The following ORC5 variants were observed in gnomAD, a reference collection of about 807,000 sequenced individuals.
ORC5 encodes origin recognition complex subunit 5.
Under a neutral mutation model 58.8 loss-of-function variants are expected in ORC5, and 39 were observed. The ratio of observed to expected loss-of-function variants is 0.66; its 90% CI spans 0.51 to 0.87. ORC5 has a LOEUF of 0.87. Ranked by LOEUF, ORC5 falls within the 40% of genes least tolerant of loss-of-function variation. The pLI, the probability that ORC5 is intolerant of heterozygous loss-of-function variation, is 0.00. For synonymous variants in ORC5, 218 were observed against 177.6 expected, an observed-to-expected ratio of 1.23 and a Z score of -1.81; for missense variants, 493 against 506.3, an observed-to-expected ratio of 0.97 and a Z score of 0.25.
rs781127782 is a variant in ORC5 at position 104,131,471 on chromosome 7, C to T, written c.1263-4578G>A. Among the ~76,000 whole-genome samples, 129 of 152,312 alleles carry T rather than the reference C, an allele frequency of 8.5e-4. 2 individuals are homozygous for T. Among genetic ancestry groups the T allele is most frequent in the Non-Finnish European group, 2.5e-4 (17 of 68,022 alleles). ...CATTAACTCTCCTTCTCTATCTGTT[C>T]TTTCCTATCAGCATTTAAATATGCT... is the stretch of plus-strand genomic sequence containing the variant. On this transcript the variant is annotated intron_variant, in intron 13 of 13. Coordinates refer to ENST00000297431, the MANE Select transcript of ORC5 (RefSeq NM_002553.4).
chr7:104,137,330 G>GGCTGGTCCTGAACTCCTC (rs1798606622), intron 12 of ORC5, among the ~76,000 whole-genome samples: 2 of 151,884 alleles, frequency 1.3e-5, no homozygotes, highest in African/African-American at 4.8e-5. Context: ...GTGTTGTCCA[G>GGCTGGTCCTGAACTCCTC]GCTGGTCCTG....
Position 104,126,822 on chromosome 7 carries a change from T to C in ORC5, c.*26A>G. Reference sequence around the variant, plus strand: ...CAGCTTGGCTTAGTCATTGTCACAGTGTCCATATGGCTTTGAAGCTTGTTT... The same window carrying C: ...CAGCTTGGCTTAGTCATTGTCACAGCGTCCATATGGCTTTGAAGCTTGTTT... On this transcript the variant is annotated 3_prime_UTR_variant, in exon 14 of 14. Transcript: ENST00000297431. The C allele has an allele frequency of 6.4e-7, 1 of 1,563,706 alleles. No homozygotes were observed. Among genetic ancestry groups the C allele is most frequent in the South Asian group, 1.1e-5 (1 of 88,306 alleles).
intron 5 of ORC5, among the ~76,000 whole-genome samples, chr7:104,190,020 C>T (rs747183084): frequency 1.3e-5 from 2 of 152,094 alleles, no homozygotes; most frequent in Non-Finnish European, 2.9e-5. Context: ...AATTTTAGGA[C>T]ACCCATTTGA....
intron 6 of ORC5, among the ~76,000 whole-genome samples, chr7:104,184,812 T>A (rs1799509915): frequency 6.6e-6 from 1 of 151,854 alleles, no homozygotes; most frequent in South Asian, 2.1e-4. Flanking sequence ...GAAAGAGACT[T>A]GAGGGTCTGA....
intron 12 of ORC5, among the ~76,000 whole-genome samples, chr7:104,146,039 T>C (rs545223525): frequency 2.0e-5 from 3 of 152,246 alleles, no homozygotes; most frequent in East Asian, 1.9e-4. Flanking sequence ...CAAAAGGAAG[T>C]TCTTCAAACA....
chr7:104,192,854 T>A (rs1799705934), intron 5 of ORC5, among the ~76,000 whole-genome samples: 1 of 148,838 alleles, frequency 6.7e-6, no homozygotes, highest in Admixed American at 6.7e-5. Flanking sequence ...AGCTGCCCAC[T>A]AGACACTTGT....
chr7:104,153,775 T>C (rs1470417744), intron 12 of ORC5, among the ~76,000 whole-genome samples: 1 of 152,160 alleles, frequency 6.6e-6, no homozygotes, highest in Non-Finnish European at 1.5e-5. Flanking sequence ...AATCAATTTA[T>C]ATAAATATCT....
At chr7:104,200,686 T>C (rs1428559914) in intron 3 of ORC5, 72 bp downstream of exon 3, 1 of 958,526 alleles carries the variant, frequency 1.0e-6, no homozygotes, top group Non-Finnish European at 1.6e-6. Flanking sequence ...TCAAAACAAA[T>C]ATATGAAAAT....
chr7:104,175,946 T>C (rs924963294), intron 8 of ORC5, among the ~76,000 whole-genome samples: 3 of 152,164 alleles, frequency 2.0e-5, no homozygotes, highest in Non-Finnish European at 2.9e-5. Context: ...CTAAACTTAT[T>C]TGAAACTGAA....
chr7:104,197,760 T>G lies in ORC5; in HGVS notation c.406A>C (p.Asn136His), dbSNP rs750023592. 3.1e-6 allele frequency: 5 copies of G among 1,599,872 alleles called. No homozygotes were observed. The highest frequency in any genetic ancestry group is 1.7e-5 in the Admixed American group (1 of 57,792). ...AATCTAAGAAATCCAGGCAAAAGAT[T>G]TGCTTCCATATCTCTTAGATACTCT... ...KAEYLRDMEA[N>H]LLPGFLRLQE... is the part of the protein sequence containing the mutation. The change falls in exon 4 of 14, where the codon AAT (asparagine) becomes CAT (histidine). Residue 136 changes from asparagine (N) to histidine (H), a missense_variant. Coordinates refer to ENST00000297431, the MANE Select transcript of ORC5 (RefSeq NM_002553.4).
intron 6 of ORC5, 172 bp from the exon 7 acceptor site, chr7:104,184,343 G>T: frequency 1.7e-6 from 1 of 581,652 alleles, no homozygotes; most frequent in Non-Finnish European, 3.0e-6. Context: ...AGCTACTCAG[G>T]AGGCTGAGGC....
At chr7:104,132,228 T>G (rs374007537) in intron 13 of ORC5, among the ~76,000 whole-genome samples, 172 of 152,282 alleles carry the variant, frequency 1.1e-3, no homozygotes, top group African/African-American at 4.0e-3. Context: ...CCATTACTCC[T>G]GTCCCTTACA....
At chr7:104,181,734 G>A (rs565212829) in intron 8 of ORC5, among the ~76,000 whole-genome samples, 3 of 151,248 alleles carry the variant, frequency 2.0e-5, no homozygotes, top group South Asian at 4.2e-4. Context: ...GGAGCTTGTA[G>A]TGAGCCGAGA....
At chr7:104,193,992 A>G (rs148807039) in intron 5 of ORC5, among the ~76,000 whole-genome samples, 2 of 151,812 alleles carry the variant, frequency 1.3e-5, no homozygotes, top group African/African-American at 4.8e-5. Context: ...TGAAATGTGT[A>G]ATATCAACAT....
chr7:104,136,678 T>C lies in ORC5; in HGVS notation c.1262+103A>G. 1.4e-6 allele frequency: 1 copy of C among 709,638 alleles called. No individual in the cohort carries two copies. Among genetic ancestry groups the C allele is most frequent in the East Asian group, 2.7e-5 (1 of 37,086 alleles). 44.0% of individuals were successfully genotyped at this position (709,638 alleles called of 1,614,324 possible). The stretch of plus-strand genomic sequence containing the variant: ...AGCTTATTCATTCTTGGCACTTAAA[T>C]AGATGATTTTTTCATGTTTAAATGT... On this transcript the variant is annotated intron_variant, in intron 13 of 13. Coordinates refer to ENST00000297431, the MANE Select transcript of ORC5 (RefSeq NM_002553.4). This position sits in a 1 kb window ranked among gnomAD's most constrained non-coding sequence, Gnocchi z 4.2.
Position 104,145,695 on chromosome 7 carries a change from C to T in ORC5, c.1150-8802G>A, listed in dbSNP as rs1011514905. The stretch of plus-strand genomic sequence containing the variant: ...TAAATCCTGGAAATAATATAAGAGG[C>T]GACCAAAAGAGGACTCTGAAAGGTA... On this transcript the variant is annotated intron_variant, in intron 12 of 13. Coordinates refer to ENST00000297431, the MANE Select transcript of ORC5 (RefSeq NM_002553.4). Among the ~76,000 whole-genome samples the T allele has an allele frequency of 6.6e-5, 10 of 152,118 alleles. No homozygotes were observed. The East Asian group carries it at 1.5e-3, about 24-fold the overall frequency.
chr7:104,128,675 TCC>T (rs546845907), intron 13 of ORC5, among the ~76,000 whole-genome samples: 2 of 24,964 alleles, frequency 8.0e-5, no homozygotes, highest in Non-Finnish European at 1.5e-4. Context: ...CCCTCCCCCC[TCC>T]CCCCCACCCC....
chr7:104,167,550 C>T (rs189246949), intron 9 of ORC5, among the ~76,000 whole-genome samples: 1 of 152,272 alleles, frequency 6.6e-6, no homozygotes, highest in Admixed American at 6.5e-5. Context: ...TGTATCCCTA[C>T]ACTGCCTTGC....
intron 11 of ORC5, among the ~76,000 whole-genome samples, chr7:104,164,425 C>A (rs115259052): frequency 2.0e-5 from 3 of 152,000 alleles, no homozygotes; most frequent in African/African-American, 7.3e-5. Flanking sequence ...ACCTCAAAAA[C>A]AGATAAATAA....
Sources: gnomAD v4.1 joint callset for allele counts (sites outside exome capture counted in the v4.1 genomes callset) on GRCh38, gnomAD v4.1.1 for gene constraint, Gnocchi (gnomAD v3.1) non-coding constraint, MANE v1.5 for transcripts, NCBI Gene and HGNC (gene_info 2026-07-23, HGNC 2026-07-21) for gene names.